ARHGAP44: variants seen among roughly 807,000 people sequenced by gnomAD.
ARHGAP44 encodes rho GTPase-activating protein 44.
ARHGAP44 carries 43 observed loss-of-function variants against 106.8 expected under a neutral mutation model. The ratio of observed to expected loss-of-function variants is 0.40; its 90% CI spans 0.32 to 0.52. ARHGAP44 has a LOEUF of 0.52. Ranked by LOEUF, ARHGAP44 falls within the 20% of genes least tolerant of loss-of-function variation. The pLI is 0.48. For synonymous variants in ARHGAP44, 439 were observed against 410.3 expected (o/e 1.07, Z -0.85); for missense variants, 866 against 1,050.5 (o/e 0.82, Z 2.43).
rs77429247 is a variant in ARHGAP44 at position 12,975,285 on chromosome 17, C to T, written c.1763+975C>T. On this transcript the variant is annotated intron_variant, in intron 18 of 20. Coordinates refer to ENST00000379672, the MANE Select transcript of ARHGAP44 (RefSeq NM_014859.6). ...TGAAGTTTACAATTTCTGTGTTTCT[C>T]CTTCTCTTTATAGTCATAGCAGCCA... Among the ~76,000 whole-genome samples, 1,194 of 152,180 alleles carry T rather than the reference C, an allele frequency of 7.8e-3. 48 individuals are homozygous for T. The East Asian group carries it at 0.13, about 16-fold the overall frequency.
chr17:12,797,810 A>T (rs2033968966), intron 1 of ARHGAP44, among the ~76,000 whole-genome samples: 2 of 152,318 alleles, frequency 1.3e-5, no homozygotes, highest in South Asian at 4.1e-4. Context: ...TACAATATTG[A>T]GTATAATGCG....
intron 1 of ARHGAP44, among the ~76,000 whole-genome samples, chr17:12,868,569 T>TAA (rs2036301333): frequency 8.1e-6 from 1 of 122,824 alleles, no homozygotes; most frequent in Non-Finnish European, 1.6e-5. Flanking sequence ...AAAAGTCATT[T>TAA]AAAAAGTCAT....
chr17:12,963,650 C>T (rs1017902873), intron 16 of ARHGAP44, among the ~76,000 whole-genome samples: 4 of 151,950 alleles, frequency 2.6e-5, no homozygotes, highest in African/African-American at 9.7e-5. Context: ...TGTGTGTAGA[C>T]AGGTCGGCCT....
intron 16 of ARHGAP44, among the ~76,000 whole-genome samples, chr17:12,960,599 C>T (rs1404536054): frequency 6.6e-6 from 1 of 151,982 alleles, no homozygotes; most frequent in African/African-American, 2.4e-5. Flanking sequence ...CTCGCTCTGT[C>T]ACCCGGGCTG....
chr17:12,894,404 G>C (rs1044653085), intron 1 of ARHGAP44, among the ~76,000 whole-genome samples: 6 of 152,158 alleles, frequency 3.9e-5, no homozygotes, highest in African/African-American at 1.4e-4. Context: ...TAATGGGTTA[G>C]CTGGGACCAG....
intron 1 of ARHGAP44, among the ~76,000 whole-genome samples, chr17:12,858,012 T>C (rs1298208226): frequency 6.6e-6 from 1 of 152,064 alleles, no homozygotes; most frequent in African/African-American, 2.4e-5. Context: ...CTGATACTCT[T>C]GTGCAAGGAA....
At position 12,949,666 on chromosome 17, in the gene ARHGAP44, C is replaced by A. The variant is rs753057302; in HGVS notation, c.991C>A (p.Leu331Ile). 1 of 1,613,748 alleles carries A rather than the reference C, an allele frequency of 6.2e-7. No individual in the cohort carries two copies. Among genetic ancestry groups the A allele is most frequent in the East Asian group, 2.2e-5 (1 of 44,892 alleles). The change falls in exon 12 of 21, where the codon CTC (leucine) becomes ATC (isoleucine). Residue 331 changes from leucine (L) to isoleucine (I), a missense_variant. Transcript: ENST00000379672. This position sits in a 1 kb window ranked among gnomAD's most constrained non-coding sequence, Gnocchi z 4.1. The part of the protein sequence containing the change: ...HAIAGALKSY[L>I]RELPEPLMTF... ...ATGCCTAGGAGCTTTGAAATCTTAC[C>A]TCCGAGAGTTGCCAGAACCTCTTAT...
intron 1 of ARHGAP44, among the ~76,000 whole-genome samples, chr17:12,797,112 T>A (rs944980451): frequency 4.6e-5 from 7 of 152,224 alleles, no homozygotes; most frequent in Non-Finnish European, 8.8e-5. Context: ...GTTGTATGTC[T>A]CTTTTTTCTT....
At chr17:12,872,023 C>T (rs1252532883) in intron 1 of ARHGAP44, among the ~76,000 whole-genome samples, 1 of 152,200 alleles carries the variant, frequency 6.6e-6, no homozygotes, top group Non-Finnish European at 1.5e-5. Flanking sequence ...ATCCCCTTCT[C>T]TGTGGATCCA....
intron 13 of ARHGAP44, among the ~76,000 whole-genome samples, chr17:12,954,976 A>G (rs1483180711): frequency 6.6e-6 from 1 of 151,740 alleles, no homozygotes; most frequent in African/African-American, 2.4e-5. Flanking sequence ...CATTTCCCTT[A>G]CCCCAAAAAA....
At chr17:12,818,920 C>T (rs1036561799) in intron 1 of ARHGAP44, among the ~76,000 whole-genome samples, 4 of 151,966 alleles carry the variant, frequency 2.6e-5, no homozygotes, top group African/African-American at 4.8e-5. Flanking sequence ...ACAGACAAGC[C>T]GACTCTAAAA....
chr17:12,881,620 T>C (rs756573639), intron 1 of ARHGAP44, among the ~76,000 whole-genome samples: 2 of 152,186 alleles, frequency 1.3e-5, no homozygotes, highest in Non-Finnish European at 2.9e-5. Context: ...CTCAACTTAT[T>C]CTACTTAAGG....
At chr17:12,848,469 T>A (rs968634509) in intron 1 of ARHGAP44, among the ~76,000 whole-genome samples, 1 of 152,216 alleles carries the variant, frequency 6.6e-6, no homozygotes, top group South Asian at 2.1e-4. Context: ...ATTTGTTGAT[T>A]GGGTATGAAA....
chr17:12,968,322 A>G (rs2039441278), intron 16 of ARHGAP44, among the ~76,000 whole-genome samples: 1 of 152,240 alleles, frequency 6.6e-6, no homozygotes, highest in African/African-American at 2.4e-5. Context: ...AAAGCACGAA[A>G]TATCCTAACA....
At chr17:12,802,969 ATTT>A (rs1162376884) in intron 1 of ARHGAP44, among the ~76,000 whole-genome samples, 25 of 40,830 alleles carry the variant, frequency 6.1e-4, no homozygotes, top group East Asian at 2.0e-3. Flanking sequence ...ATATATATAT[ATTT>A]TTTTTTTTTT....
chr17:12,919,816 A>T lies in ARHGAP44; in HGVS notation c.449A>T (p.Asp150Val). 6.2e-7 allele frequency: 1 copy of T among 1,613,076 alleles called. No homozygotes were observed. Among genetic ancestry groups the T allele is most frequent in the Non-Finnish European group, 8.5e-7 (1 of 1,179,520 alleles). ...KHLAKLVLDMDSSRTRWQQTS... is the reference protein window; with the variant it reads ...KHLAKLVLDMVSSRTRWQQTS... The stretch of plus-strand genomic sequence containing the variant: ...TTAGCCAAGTTGGTGCTGGACATGG[A>T]TTCCTCACGAACCAGGTAGAATCTC... The change falls in exon 6 of 21, where the codon GAT becomes GTT. Residue 150 changes from aspartate to valine, a missense_variant. By Grantham distance (152) the Asp-to-Val change is radical. Around this residue, in one of 2 missense-constraint regions of ARHGAP44, gnomAD observed 448 missense variants for 646.9 expected, o/e 0.69. Transcript: ENST00000379672.
In ARHGAP44 at chr17:12,928,980, G is replaced by A. The variant is rs779973103; in HGVS notation, c.516G>A (p.Ala172=). 33 of 1,613,392 alleles carry A rather than the reference G, an allele frequency of 2.0e-5. No individual in the cohort carries two copies. The Admixed American group carries it at 2.5e-4, about 12-fold the overall frequency. The change falls in exon 7 of 21, where the codon GCG becomes GCA. Residue 172 remains alanine, a synonymous_variant. Coordinates refer to ENST00000379672, the MANE Select transcript of ARHGAP44 (RefSeq NM_014859.6). ...GTTTGTCCAGCAGCTTACAGCCTGC[G>A]GGTGCCAAGGCTGATGCCCTCAGGG... ...SSGLSSSLQP[A]GAKADALREE... is the part of the protein sequence containing the mutation.
intron 8 of ARHGAP44, 21 bp downstream of exon 8, chr17:12,941,145 G>C: frequency 1.9e-6 from 3 of 1,611,420 alleles, no homozygotes; most frequent in Non-Finnish European, 2.5e-6. Flanking sequence ...AGAAAGGTGA[G>C]ATTGCTTAAA....
intron 20 of ARHGAP44, chr17:12,986,611 G>A (rs1400167342): frequency 1.3e-5 from 2 of 148,974 alleles, no homozygotes; most frequent in African/African-American, 5.0e-5. Context: ...GCTTGAACCT[G>A]GGAGGTGGAG....
Sources: allele counts gnomAD v4.1 joint callset (sites outside exome capture counted in the v4.1 genomes callset), GRCh38; gene constraint gnomAD v4.1.1; regional missense constraint gnomAD v4.1.1; non-coding constraint Gnocchi (gnomAD v3.1); transcripts MANE v1.5; gene names NCBI Gene and HGNC (gene_info 2026-07-23, HGNC 2026-07-21).